The following COL9A3 variants were observed in gnomAD, a reference collection of about 807,000 sequenced individuals.
The protein encoded by COL9A3 is collagen type IX alpha 3 chain, also known as collagen alpha-3(IX) chain.
In COL9A3, 82 loss-of-function variants were observed where a neutral mutation model predicts 110.2. That is an observed-to-expected ratio of 0.74 (90% confidence interval 0.62 to 0.89). The LOEUF (loss-of-function observed/expected upper bound fraction) is 0.89, where lower values mean the gene tolerates loss of function less well. COL9A3 is among the 40% of genes least tolerant of loss of function. The probability of loss-of-function intolerance (pLI) is 0.00; values close to 1 mark genes in which losing one functional copy is unlikely to be tolerated. For missense variants in COL9A3, 1,066 were observed against 981.3 expected, an observed-to-expected ratio of 1.09 and a Z score of -1.15; for synonymous variants, 494 against 403.8, an observed-to-expected ratio of 1.22 and a Z score of -2.68.
intron 24 of COL9A3, chr20:62,831,356 C>T (rs993381993): frequency 2.0e-5 from 3 of 152,422 alleles, no homozygotes; most frequent in Admixed American, 6.5e-5. Context: ...TTGGGGACCT[C>T]GTGTGCCTGC....
intron 10 of COL9A3, among the ~76,000 whole-genome samples, chr20:62,823,344 G>T (rs2063525578): frequency 6.6e-6 from 1 of 152,178 alleles, no homozygotes; most frequent in South Asian, 2.1e-4. Context: ...TCAAAAAAAT[G>T]AAGAGGAAAG....
intron 24 of COL9A3, 33 bp downstream of exon 24, chr20:62,830,621 C>T (rs757445406): frequency 2.6e-6 from 4 of 1,541,586 alleles, no homozygotes; most frequent in Non-Finnish European, 3.5e-6. Flanking sequence ...AGCTCCCCTG[C>T]ACCCCCTCTA....
At chr20:62,837,570 G>GGACGA (rs2063646634) in intron 30 of COL9A3, among the ~76,000 whole-genome samples, 1 of 149,516 alleles carries the variant, frequency 6.7e-6, no homozygotes, top group Admixed American at 6.6e-5. Flanking sequence ...ACACTTTGGG[G>GGACGA]GGCTGAGGTG....
At chr20:62,817,038 A>G, upstream of COL9A3, 1 of 1,219,308 alleles carries the variant, frequency 8.2e-7, no homozygotes, top group Non-Finnish European at 1.0e-6. Context: ...GCCCGCCCCG[A>G]CGCCGCAGCT....
chr20:62,836,440 C>T, intron 28 of COL9A3, 38 bp from the exon 29 acceptor site: 1 of 1,613,198 alleles, frequency 6.2e-7, no homozygotes. Flanking sequence ...ACCGAGGCTG[C>T]CGCCCCCATG....
intron 26 of COL9A3, among the ~76,000 whole-genome samples, chr20:62,834,441 C>G (rs915351524): frequency 6.7e-6 from 1 of 148,192 alleles, no homozygotes; most frequent in Non-Finnish European, 1.5e-5. Context: ...ATGGAGCAGT[C>G]GTGAGTCCGA....
Position 62,828,902 on chromosome 20 carries a change from C to T in COL9A3, c.955-21C>T, listed in dbSNP as rs770996048. The T allele has an allele frequency of 1.8e-5, 29 of 1,612,340 alleles. No homozygotes were observed. The Admixed American group carries it at 4.8e-4, about 27-fold the overall frequency. ...CGAGGCCTCAGCCTCCCCTTCCGCA[C>T]CCCAATCTCTGTCCTCACAGGGAGA... is the stretch of plus-strand genomic sequence containing the variant. On this transcript the variant is annotated intron_variant, in intron 18 of 31. Coordinates refer to ENST00000649368, the MANE Select transcript of COL9A3 (RefSeq NM_001853.4).
chr20:62,828,390 G>C (rs1338190364), intron 17 of COL9A3, among the ~76,000 whole-genome samples: 1 of 152,252 alleles, frequency 6.6e-6, no homozygotes, highest in African/African-American at 2.4e-5. Flanking sequence ...CCCAGCAGTT[G>C]GCTGTGTCCT....
intron 8 of COL9A3, 106 bp downstream of exon 8, chr20:62,821,916 C>A: frequency 1.3e-6 from 1 of 784,360 alleles, no homozygotes; most frequent in Non-Finnish European, 2.2e-6. Context: ...CCTTTCTCCC[C>A]CAACCCCACC....
intron 31 of COL9A3, among the ~76,000 whole-genome samples, chr20:62,839,600 T>TTC (rs1555825935): frequency 7.1e-6 from 1 of 141,432 alleles, no homozygotes; most frequent in Non-Finnish European, 1.6e-5. Flanking sequence ...CCCTGGAGCC[T>TTC]TCTCCTCTCC....
chr20:62,829,007 G>A, intron 19 of COL9A3, 31 bp downstream of exon 19: 1 of 1,576,084 alleles, frequency 6.3e-7, no homozygotes, highest in South Asian at 1.1e-5. Context: ...GCCAGCCTGG[G>A]GCGCCACAGC....
At chr20:62,839,529 C>T (rs960118559) in intron 31 of COL9A3, among the ~76,000 whole-genome samples, 4 of 152,188 alleles carry the variant, frequency 2.6e-5, no homozygotes, top group South Asian at 2.1e-4. Flanking sequence ...TGTGTGTGTC[C>T]AGATGAGAAG....
In COL9A3 at chr20:62,829,485, G is replaced by A. The variant is rs772597446; in HGVS notation, c.1039G>A (p.Glu347Lys). The A allele has an allele frequency of 3.1e-6, 5 of 1,612,804 alleles. No homozygotes were observed. The highest frequency in any genetic ancestry group is 2.2e-5 in the East Asian group (1 of 44,870). Reference sequence around the variant, plus strand: ...CCCTGGACGAGCGGGGTCCAAAGGCGAGAAGGGAGAACGGGTATGTGGCTG... The same window carrying A: ...CCCTGGACGAGCGGGGTCCAAAGGCAAGAAGGGAGAACGGGTATGTGGCTG... ...GLPGRAGSKG[E>K]KGERGRAGEL... Residue 347 changes from glutamate to lysine, a missense_variant, in exon 20 of 32, where the codon GAG (glutamate) becomes AAG (lysine). Coordinates refer to ENST00000649368, the MANE Select transcript of COL9A3 (RefSeq NM_001853.4).
At chr20:62,824,134 CTCTGTGTGG>C (rs1375822618) in intron 10 of COL9A3, among the ~76,000 whole-genome samples, 35 of 137,990 alleles carry the variant, frequency 2.5e-4, no homozygotes, top group South Asian at 1.2e-3. Flanking sequence ...GGGGTCCCGT[CTCTGTGTGG>C]AGTGGCCTCC....
At chr20:62,832,989 C>T (rs767187465) in intron 25 of COL9A3, 31 bp from the exon 26 acceptor site, 2 of 1,609,412 alleles carry the variant, frequency 1.2e-6, no homozygotes, top group Non-Finnish European at 1.7e-6. Context: ...GCATGAACAG[C>T]TCTTTTAACT....
At chr20:62,820,012 G>C in intron 5 of COL9A3, 30 bp downstream of exon 5, 5 of 1,611,544 alleles carry the variant, frequency 3.1e-6, no homozygotes, top group Non-Finnish European at 4.2e-6. Flanking sequence ...CCAGTGGCTT[G>C]GGTTCAGAGG....
chr20:62,821,385 G>A, intron 6 of COL9A3, 122 bp from the exon 7 acceptor site: 3 of 1,430,836 alleles, frequency 2.1e-6, no homozygotes, highest in East Asian at 2.3e-5. Flanking sequence ...CTCTGGGCTG[G>A]GACCAGACAC....
rs1462265085 is a variant in COL9A3, at chr20:62,829,670, C to T, written c.1096C>T (p.Pro366Ser). Residue 366 changes from proline to serine, a missense_variant, in exon 21 of 32, where the codon CCA becomes TCA. Transcript: ENST00000649368. ...GGGTGAGGCCGGCCCCTCTGGAGAG[C>T]CAGGCGTCCCTGTGAGTATCTGCGG... ...ELGEAGPSGE[P>S]GVPGDAGMPG... 3 of 1,609,106 alleles carry T rather than the reference C, an allele frequency of 1.9e-6. No homozygotes were observed. In the African/African-American group the frequency reaches 4.0e-5, roughly 21 times the overall value.
chr20:62,832,946 G>A, intron 25 of COL9A3, 74 bp from the exon 26 acceptor site: 1 of 1,359,702 alleles, frequency 7.4e-7, no homozygotes, highest in Non-Finnish European at 1.1e-6. Context: ...AGGCTTGAGA[G>A]CAGGGACTTT....
Sources: allele counts gnomAD v4.1 joint callset (sites outside exome capture counted in the v4.1 genomes callset), GRCh38; gene constraint gnomAD v4.1.1; transcripts MANE v1.5; gene names NCBI Gene and HGNC (gene_info 2026-07-23, HGNC 2026-07-21).